KIF13A: variants seen among roughly 807,000 people sequenced by gnomAD.
KIF13A encodes kinesin-like protein KIF13A.
A neutral mutation model predicts 212.2 loss-of-function variants in KIF13A; 79 were observed. The observed-to-expected ratio is 0.37, with a 90% confidence interval of 0.31 to 0.45. KIF13A has a LOEUF of 0.45. KIF13A is among the 20% of genes least tolerant of loss of function. The pLI, the probability that KIF13A is intolerant of heterozygous loss-of-function variation, is 1.00. For synonymous variants in KIF13A, 789 were observed against 808.6 expected (o/e 0.98, Z 0.41); for missense variants, 1,901 against 2,209.0 (o/e 0.86, Z 2.79).
chr6:17,844,674 T>A (rs759278506), intron 9 of KIF13A, among the ~76,000 whole-genome samples: 15 of 152,212 alleles, frequency 9.9e-5, no homozygotes, highest in Non-Finnish European at 1.9e-4. Context: ...TCCAACGATG[T>A]GGCTACTGTG....
rs1417592653 is a variant in KIF13A at position 17,895,266 on chromosome 6, T to A, written c.159+2902A>T. ...TCATCTGAAGCATCTATGGGTCTAT[T>A]TCTAATTTTTATTATTTCTGTTGGC... On this transcript the variant is annotated intron_variant, in intron 3 of 38. Transcript: ENST00000259711. The surrounding 1 kb of genome is among the most constrained non-coding windows in gnomAD (Gnocchi z 4.4). 1.3e-5 allele frequency among the ~76,000 whole-genome samples: 2 copies of A among 152,210 alleles called. No homozygotes were observed. Among genetic ancestry groups the A allele is most frequent in the Non-Finnish European group, 2.9e-5 (2 of 68,036 alleles).
chr6:17,788,529 C>T (rs1246282076), intron 26 of KIF13A, among the ~76,000 whole-genome samples: 1 of 152,188 alleles, frequency 6.6e-6, no homozygotes, highest in South Asian at 2.1e-4. Context: ...GGACGTTAGT[C>T]AATGGCATTG....
At chr6:17,936,501 AT>A in intron 2 of KIF13A, 1 of 150,158 alleles carries the variant, frequency 6.7e-6, no homozygotes, top group Admixed American at 6.6e-5. Context: ...ACACACACAC[AT>A]GTGCAAGTGC....
rs1761878749 is a variant in KIF13A, at chr6:17,794,644, T to C, written c.3003A>G (p.Leu1001=). The C allele has an allele frequency of 6.8e-6, 11 of 1,613,458 alleles. No homozygotes were observed. Among genetic ancestry groups the C allele is most frequent in the Non-Finnish European group, 9.3e-6 (11 of 1,179,670 alleles). The change falls in exon 24 of 39, where the codon TTA becomes TTG. Residue 1001 remains leucine (L), a synonymous_variant. Transcript: ENST00000259711. This position sits in a 1 kb window ranked among gnomAD's most constrained non-coding sequence, Gnocchi z 4.1. ...MWISILELNE[L]GEYAAVELHQ... is the part of the protein sequence containing the mutation. The stretch of plus-strand genomic sequence containing the variant: ...GAAGTTCCACTGCAGCATACTCTCC[T>C]AACTCATTCAATTCTAATATGGAGA...
intron 2 of KIF13A, among the ~76,000 whole-genome samples, chr6:17,983,494 CTTT>C (rs747300594): frequency 3.1e-5 from 4 of 127,324 alleles, no homozygotes; most frequent in Non-Finnish European, 1.7e-5. Flanking sequence ...GCTGCTGCTG[CTTT>C]TTTTTTTTTT....
intron 2 of KIF13A, among the ~76,000 whole-genome samples, chr6:17,936,615 C>T (rs927106380): frequency 1.3e-5 from 2 of 152,336 alleles, no homozygotes; most frequent in Non-Finnish European, 2.9e-5. Flanking sequence ...GCATTTTACA[C>T]ATATTGTTTC....
In KIF13A at chr6:17,773,129, T is replaced by C. The variant is rs1353678112; in HGVS notation, c.4324+349A>G. Among the ~76,000 whole-genome samples the C allele has an allele frequency of 6.6e-6, 1 of 152,212 alleles. No homozygotes were observed. Among genetic ancestry groups the C allele is most frequent in the Non-Finnish European group, 1.5e-5 (1 of 68,032 alleles). Reference sequence around the variant, plus strand: ...AAAGTCATGTTCTTTTAAAAATTCCTTTGAGTACACAAATATGACAGAGCT... The same window carrying C: ...AAAGTCATGTTCTTTTAAAAATTCCCTTGAGTACACAAATATGACAGAGCT... On this transcript the variant is annotated intron_variant, in intron 36 of 38. Coordinates refer to ENST00000259711, the MANE Select transcript of KIF13A (RefSeq NM_022113.6). The surrounding 1 kb of genome is among the most constrained non-coding windows in gnomAD (Gnocchi z 4.2).
chr6:17,942,213 G>A (rs1233590447), intron 2 of KIF13A, among the ~76,000 whole-genome samples: 2 of 151,670 alleles, frequency 1.3e-5, no homozygotes, highest in Non-Finnish European at 1.5e-5. Context: ...GAGGTAGGAG[G>A]ATTACTTGAG....
chr6:17,800,887 C>G (rs1762420733), intron 20 of KIF13A, among the ~76,000 whole-genome samples: 1 of 151,386 alleles, frequency 6.6e-6, no homozygotes, highest in African/African-American at 2.4e-5. Flanking sequence ...TCATAAGCCA[C>G]CGTGTCCGGC....
At chr6:17,866,414 G>A (rs1433269921) in intron 4 of KIF13A, among the ~76,000 whole-genome samples, 2 of 152,068 alleles carry the variant, frequency 1.3e-5, no homozygotes, top group Non-Finnish European at 2.9e-5. Context: ...GAGAGGAGAG[G>A]AGCACCATAG....
chr6:17,922,147 C>T lies in KIF13A; in HGVS notation c.147-23967G>A, dbSNP rs543256441. 3.3e-5 allele frequency among the ~76,000 whole-genome samples: 5 copies of T among 152,328 alleles called. No homozygotes were observed. In the East Asian group the frequency reaches 9.6e-4, roughly 29 times the overall value. ...TCGACAAGATCCTGCAGACACAGGG[C>T]TTTAACTCCAGACCCAGGAGACTCA... is the stretch of plus-strand genomic sequence containing the variant. On this transcript the variant is annotated intron_variant, in intron 2 of 38. Coordinates refer to ENST00000259711, the MANE Select transcript of KIF13A (RefSeq NM_022113.6).
At position 17,967,900 on chromosome 6, in the gene KIF13A, T is replaced by C. The variant is rs1225176248; in HGVS notation, c.146+19154A>G. On this transcript the variant is annotated intron_variant, in intron 2 of 38. Coordinates refer to ENST00000259711, the MANE Select transcript of KIF13A (RefSeq NM_022113.6). The surrounding 1 kb of genome is among the most constrained non-coding windows in gnomAD (Gnocchi z 4.1). ...TTAATAAAGTCTGTGAAGGTCTTAA[T>C]AAATGCTTAATAAAGCCTGCAAATG... 6.6e-6 allele frequency among the ~76,000 whole-genome samples: 1 copy of C among 152,188 alleles called. No individual in the cohort carries two copies. The highest frequency in any genetic ancestry group is 1.5e-5 in the Non-Finnish European group (1 of 68,032).
At chr6:17,767,621 C>A (rs1759130901) in intron 38 of KIF13A, among the ~76,000 whole-genome samples, 1 of 152,186 alleles carries the variant, frequency 6.6e-6, no homozygotes, top group Non-Finnish European at 1.5e-5. Flanking sequence ...AAACACAATT[C>A]TCCAAGTCCA....
At chr6:17,981,426 C>CTTTTTT (rs565958562) in intron 2 of KIF13A, among the ~76,000 whole-genome samples, 15 of 134,286 alleles carry the variant, frequency 1.1e-4, no homozygotes, top group East Asian at 2.1e-4. Flanking sequence ...TTTCTTTTTT[C>CTTTTTT]TTTTTTTTTT....
Position 17,771,703 on chromosome 6 carries a change from A to T in KIF13A, c.4476+205T>A, listed in dbSNP as rs2150292640. ...ATACTTTGAAAAGCCATAAACACAA[A>T]GAAATAAAACCACAGCAGCAACAAC... On this transcript the variant is annotated intron_variant, in intron 37 of 38. Coordinates refer to ENST00000259711, the MANE Select transcript of KIF13A (RefSeq NM_022113.6). The surrounding 1 kb of genome is among the most constrained non-coding windows in gnomAD (Gnocchi z 5.4). 1 of 489,056 alleles carries T rather than the reference A, an allele frequency of 2.0e-6. No homozygotes were observed. Among genetic ancestry groups the T allele is most frequent in the East Asian group, 2.9e-5 (1 of 34,974 alleles). The allele number at this position is 489,056 out of a possible 1,614,324, so 30.3% of individuals were successfully genotyped here.
chr6:17,851,888 C>T, intron 7 of KIF13A, 67 bp downstream of exon 7: 2 of 756,328 alleles, frequency 2.6e-6, no homozygotes, highest in African/African-American at 1.8e-5. Context: ...ATAAAATATA[C>T]TCAGTATCAC....
At chr6:17,879,664 T>C (rs577063540) in intron 3 of KIF13A, among the ~76,000 whole-genome samples, 90 of 152,314 alleles carry the variant, frequency 5.9e-4, no homozygotes, top group African/African-American at 2.0e-3. Context: ...ACTAGAAAAA[T>C]TATGGCCGTT....
At chr6:17,835,942 G>A (rs953396922) in intron 11 of KIF13A, among the ~76,000 whole-genome samples, 5 of 152,148 alleles carry the variant, frequency 3.3e-5, no homozygotes, top group Non-Finnish European at 2.9e-5. Context: ...GAGTGGTGAA[G>A]GAATGTGAAC....
At chr6:17,890,790 C>CTAATAATAA (rs71536760) in intron 3 of KIF13A, among the ~76,000 whole-genome samples, 14,375 of 138,998 alleles carry the variant, frequency 0.1, 878 homozygotes, top group South Asian at 0.26. Context: ...CTATGCCCAG[C>CTAATAATAA]TAATAATAAT....
Sources: gnomAD v4.1 joint callset for allele counts (sites outside exome capture counted in the v4.1 genomes callset) on GRCh38, gnomAD v4.1.1 for gene constraint, Gnocchi (gnomAD v3.1) non-coding constraint, MANE v1.5 for transcripts, NCBI Gene and HGNC (gene_info 2026-07-23, HGNC 2026-07-21) for gene names.